Variants in FBXO36 observed in about 807,000 individuals in gnomAD.
The protein encoded by FBXO36 is F-box only protein 36.
FBXO36 carries 18 observed loss-of-function variants against 17.0 expected under a neutral mutation model. The observed-to-expected ratio is 1.06, with a 90% CI of 0.73 to 1.57. FBXO36 has a LOEUF of 1.57. FBXO36 is among the 40% of genes most tolerant of loss of function. The pLI, the probability that FBXO36 is intolerant of heterozygous loss-of-function variation, is 0.00. For missense variants in FBXO36, 229 were observed against 221.9 expected (o/e 1.03, Z -0.20); for synonymous variants, 83 against 85.3 (o/e 0.97, Z 0.15).
intron 1 of FBXO36, among the ~76,000 whole-genome samples, chr2:229,934,415 TAAATA>T (rs1176163427): frequency 6.6e-6 from 1 of 151,946 alleles, no homozygotes; most frequent in Non-Finnish European, 1.5e-5. Context: ...TATAAATAAA[TAAATA>T]AAATAAAATC....
chr2:230,011,436 C>T lies in FBXO36; in HGVS notation c.*552C>T, dbSNP rs964314107. Reference sequence around the variant, plus strand: ...TATTCAGGGCCCTATCCTTGTGAGCCCAGGATGCCAGGGTCCATCCCCGCA... The same window carrying T: ...TATTCAGGGCCCTATCCTTGTGAGCTCAGGATGCCAGGGTCCATCCCCGCA... On this transcript the variant is annotated 3_prime_UTR_variant, in exon 4 of 4. Coordinates refer to ENST00000283946, the MANE Select transcript of FBXO36 (RefSeq NM_174899.5). 2 of 152,230 alleles carry T rather than the reference C, an allele frequency of 1.3e-5. No homozygotes were observed. Among genetic ancestry groups the T allele is most frequent in the Non-Finnish European group, 2.9e-5 (2 of 68,202 alleles). The allele number at this position is 152,230 out of a possible 1,614,324, so 9.4% of individuals were successfully genotyped here.
intron 1 of FBXO36, among the ~76,000 whole-genome samples, chr2:229,955,505 G>A (rs2077082711): frequency 6.6e-6 from 1 of 151,156 alleles, no homozygotes; most frequent in Non-Finnish European, 1.5e-5. Flanking sequence ...AACAGAGTGA[G>A]ACCCCGTCTC....
chr2:229,932,584 A>AGGAGAATCGCTTGAACCTGAGAGATGGAG (rs2076944264), intron 1 of FBXO36, among the ~76,000 whole-genome samples: 1 of 152,104 alleles, frequency 6.6e-6, no homozygotes, highest in Non-Finnish European at 1.5e-5. Flanking sequence ...AGGCTGAAGC[A>AGGAGAATCGCTTGAACCTGAGAGATGGAG]GGAGAATCGC....
chr2:230,000,971 C>A (rs1225889658), intron 3 of FBXO36, among the ~76,000 whole-genome samples: 2 of 150,744 alleles, frequency 1.3e-5, no homozygotes, highest in East Asian at 4.0e-4. Flanking sequence ...TCTCCTGCCT[C>A]AGCCTCCTGA....
chr2:229,934,245 C>A (rs1263724786), intron 1 of FBXO36, among the ~76,000 whole-genome samples: 1 of 151,554 alleles, frequency 6.6e-6, no homozygotes, highest in Non-Finnish European at 1.5e-5. Context: ...ACTAAAAATA[C>A]AAAAAATTAG....
chr2:229,940,258 A>G (rs1048644301), intron 1 of FBXO36, among the ~76,000 whole-genome samples: 1 of 152,080 alleles, frequency 6.6e-6, no homozygotes, highest in African/African-American at 2.4e-5. Flanking sequence ...TTAAACACGG[A>G]TTTTGTTTAA....
At chr2:229,978,671 C>A (rs190356859) in intron 2 of FBXO36, among the ~76,000 whole-genome samples, 26 of 152,094 alleles carry the variant, frequency 1.7e-4, no homozygotes, top group African/African-American at 5.8e-4. Context: ...AATGTTATTT[C>A]TATTAATATC....
chr2:229,944,066 T>C (rs141807747), intron 1 of FBXO36, among the ~76,000 whole-genome samples: 14 of 152,122 alleles, frequency 9.2e-5, no homozygotes, highest in Admixed American at 9.2e-4. Flanking sequence ...CCATCATGAT[T>C]GTTAAGTTTC....
At chr2:229,958,996 G>A (rs1355117004) in intron 1 of FBXO36, among the ~76,000 whole-genome samples, 3 of 152,128 alleles carry the variant, frequency 2.0e-5, no homozygotes, top group Non-Finnish European at 4.4e-5. Flanking sequence ...GGGCCGGAAT[G>A]TCCCTCTAAG....
intron 1 of FBXO36, among the ~76,000 whole-genome samples, chr2:229,950,635 C>G (rs779599366): frequency 6.6e-6 from 1 of 152,006 alleles, no homozygotes; most frequent in Non-Finnish European, 1.5e-5. Context: ...TTCCACAGAA[C>G]GGAATGAGAG....
Position 229,922,572 on chromosome 2 carries a change from G to T in FBXO36, c.59G>T (p.Ser20Ile). Residue 20 changes from serine (S) to isoleucine (I), a missense_variant, in exon 1 of 4, where the codon AGC becomes ATC. Coordinates refer to ENST00000283946, the MANE Select transcript of FBXO36 (RefSeq NM_174899.5). ...FETVGQGPPP[S>I]KDYYQLLVTR... Reference sequence around the variant, plus strand: ...ACTGTAGGACAAGGCCCGCCGCCTAGCAAAGACTATTACCAGTTACTGGTC... The same window carrying T: ...ACTGTAGGACAAGGCCCGCCGCCTATCAAAGACTATTACCAGTTACTGGTC... 1.2e-6 allele frequency: 2 copies of T among 1,614,094 alleles called. No homozygotes were observed. Among genetic ancestry groups the T allele is most frequent in the Non-Finnish European group, 1.7e-6 (2 of 1,180,018 alleles).
chr2:229,949,340 G>A (rs2077043168), intron 1 of FBXO36, among the ~76,000 whole-genome samples: 1 of 152,172 alleles, frequency 6.6e-6, no homozygotes, highest in South Asian at 2.1e-4. Context: ...CAAATAGGGA[G>A]TGGAGAAGAG....
At chr2:230,010,176 A>G (rs927666880) in intron 3 of FBXO36, among the ~76,000 whole-genome samples, 4 of 152,110 alleles carry the variant, frequency 2.6e-5, no homozygotes, top group African/African-American at 7.2e-5. Context: ...CAGGAGAATC[A>G]CTTGAACCCA....
chr2:229,989,370 G>A (rs2077286591), intron 2 of FBXO36, among the ~76,000 whole-genome samples: 1 of 152,144 alleles, frequency 6.6e-6, no homozygotes, highest in African/African-American at 2.4e-5. Flanking sequence ...TGATTCTCCT[G>A]CCTCAGCCTC....
At chr2:229,975,319 T>C (rs770150628) in intron 1 of FBXO36, among the ~76,000 whole-genome samples, 1 of 152,190 alleles carries the variant, frequency 6.6e-6, no homozygotes, top group Non-Finnish European at 1.5e-5. Context: ...ACTCATCTTG[T>C]CTGTACCTGT....
intron 2 of FBXO36, among the ~76,000 whole-genome samples, chr2:229,985,478 T>C (rs1196024384): frequency 6.6e-6 from 1 of 152,100 alleles, no homozygotes; most frequent in African/African-American, 2.4e-5. Context: ...AACTAACACC[T>C]CTTACAACAC....
intron 1 of FBXO36, among the ~76,000 whole-genome samples, chr2:229,960,039 T>G (rs567332058): frequency 6.6e-6 from 1 of 152,200 alleles, no homozygotes; most frequent in South Asian, 2.1e-4. Context: ...ATAATGATTC[T>G]TAGTGTGGGG....
At chr2:229,959,939 A>G (rs1210938952) in intron 1 of FBXO36, among the ~76,000 whole-genome samples, 2 of 152,114 alleles carry the variant, frequency 1.3e-5, no homozygotes, top group Admixed American at 1.3e-4. Flanking sequence ...GTTGAAGTGT[A>G]CAGTTAAAAT....
intron 1 of FBXO36, among the ~76,000 whole-genome samples, chr2:229,924,106 A>G (rs1211217012): frequency 2.2e-5 from 3 of 133,848 alleles, no homozygotes; most frequent in Admixed American, 1.5e-4. Context: ...TTGTTTATTT[A>G]TCGAGAGGGA....
Sources: allele counts gnomAD v4.1 joint callset (sites outside exome capture counted in the v4.1 genomes callset), GRCh38; gene constraint gnomAD v4.1.1; transcripts MANE v1.5; gene names NCBI Gene and HGNC (gene_info 2026-07-23, HGNC 2026-07-21).